KIF7: variants seen among roughly 807,000 people sequenced by gnomAD.
KIF7 encodes the protein kinesin family member 7, also known as kinesin-like protein KIF7.
KIF7 carries 104 observed loss-of-function variants against 135.7 expected under a neutral mutation model. The observed-to-expected ratio is 0.77, with a 90% CI of 0.65 to 0.90. KIF7 has a LOEUF of 0.90. Among genes scored for constraint, KIF7 ranks in the 40% least tolerant of loss-of-function variants. KIF7 has a pLI of 0.00. For missense variants in KIF7, 2,005 were observed against 1,839.1 expected, an observed-to-expected ratio of 1.09 and a Z score of -1.65; for synonymous variants, 883 against 809.4, an observed-to-expected ratio of 1.09 and a Z score of -1.54.
chr15:89,640,353 C>T (rs1963896246), intron 11 of KIF7, among the ~76,000 whole-genome samples: 1 of 152,090 alleles, frequency 6.6e-6, no homozygotes, highest in African/African-American at 2.4e-5. Flanking sequence ...AATACTACGA[C>T]ATTTACGCAC....
At chr15:89,649,711 C>G (rs1284357156) in intron 3 of KIF7, 30 bp downstream of exon 3, 1 of 1,548,356 alleles carries the variant, frequency 6.5e-7, no homozygotes, top group Admixed American at 2.0e-5. Context: ...AAGCCCCTCT[C>G]CGTCAGTGGA....
At chr15:89,641,467 T>C (rs1324511990) in intron 11 of KIF7, among the ~76,000 whole-genome samples, 1 of 152,162 alleles carries the variant, frequency 6.6e-6, no homozygotes, top group Non-Finnish European at 1.5e-5. Context: ...AAGGGGTGGA[T>C]GCACCTGTGG....
At chr15:89,632,797 G>C in intron 14 of KIF7, 23 bp downstream of exon 14, 4 of 1,596,432 alleles carry the variant, frequency 2.5e-6, no homozygotes, top group Non-Finnish European at 3.4e-6. Context: ...CACCTGGCAG[G>C]ATCTCTCCTG....
the KIF7 span, among the ~76,000 whole-genome samples, chr15:89,662,066 T>A: frequency 5.9e-5 from 9 of 152,296 alleles, no homozygotes; most frequent in African/African-American, 2.2e-4. Context: ...TGTATGCATT[T>A]TATAAATTTT....
chr15:89,623,958 G>A (rs1187170358), downstream of KIF7: 1 of 1,613,918 alleles, frequency 6.2e-7, no homozygotes, highest in Non-Finnish European at 8.5e-7. Context: ...CACATTCAGT[G>A]AATTCCAGTC....
downstream of KIF7, chr15:89,625,709 G>A (rs562686861): frequency 9.3e-6 from 15 of 1,613,034 alleles, no homozygotes; most frequent in Non-Finnish European, 1.3e-5. Context: ...TCAGAAGTTA[G>A]TAAGAGTAAA....
intron 2 of KIF7, chr15:89,618,015 T>C (rs926296638): frequency 1.2e-6 from 1 of 868,430 alleles, no homozygotes; most frequent in South Asian, 1.5e-5. Flanking sequence ...TAATCACGTA[T>C]GAGAGCCCTT....
intron 11 of KIF7, among the ~76,000 whole-genome samples, chr15:89,638,159 A>G (rs1027904530): frequency 6.8e-6 from 1 of 146,624 alleles, no homozygotes; most frequent in South Asian, 2.2e-4. Context: ...TCTCAAAATC[A>G]TAAGAGCTAT....
intron 1 of KIF7, among the ~76,000 whole-genome samples, chr15:89,654,321 T>G (rs1160723423): frequency 2.7e-5 from 1 of 36,984 alleles, no homozygotes; most frequent in African/African-American, 1.1e-4. Context: ...GGATTCAAAA[T>G]ATTAAGGGGA....
rs375316581 is a variant in KIF7, at chr15:89,649,472, A to G, written c.530-105T>C. ...GCCCCAAACCTGCCCTTCCTGACCC[A>G]CTGCTCCCTCCCCATGCCCACGGGG... On this transcript the variant is annotated intron_variant, in intron 3 of 18. Coordinates refer to ENST00000394412, the MANE Select transcript of KIF7 (RefSeq NM_198525.3). The G allele has an allele frequency of 4.6e-5, 60 of 1,301,030 alleles. No homozygotes were observed. In the African/African-American group the frequency reaches 6.6e-4, roughly 14 times the overall value. 80.6% of individuals were successfully genotyped at this position (1,301,030 alleles called of 1,614,324 possible). A position where few individuals can be genotyped will look rare whatever the true frequency, so the allele number is the denominator to read the frequency against.
At chr15:89,648,848 C>T (rs1964070538) in intron 4 of KIF7, 74 bp from the exon 5 acceptor site, 3 of 1,471,620 alleles carry the variant, frequency 2.0e-6, no homozygotes, top group East Asian at 2.5e-5. Flanking sequence ...GACCTGGGAC[C>T]GGCTCCTGGC....
intron 14 of KIF7, among the ~76,000 whole-genome samples, 153 bp downstream of exon 14, chr15:89,632,651 GCCTGGCAGGGACATCA>G (rs1963705041): frequency 6.6e-6 from 1 of 152,012 alleles, no homozygotes; most frequent in Non-Finnish European, 1.5e-5. Flanking sequence ...TCTAGACCTC[GCCTGGCAGGGACATCA>G]CCTGGCAGGT....
Position 89,629,092 on chromosome 15 carries a change from C to T in KIF7, c.3548G>A (p.Arg1183Lys), listed in dbSNP as rs1161738369. The change falls in exon 18 of 19, where the codon AGG becomes AAG. Residue 1183 changes from arginine (R) to lysine (K), a missense_variant. Transcript: ENST00000394412. ...DHLGEGLADS[R>K]RQYEARIQAL... is the part of the protein sequence containing the mutation. ...TTGAATCCGGGCCTCATACTGCCTC[C>T]TGCTGTCTGCTAACCCTTCACCGAG... 2.5e-6 allele frequency: 4 copies of T among 1,612,772 alleles called. No individual in the cohort carries two copies. Among genetic ancestry groups the T allele is most frequent in the East Asian group, 4.5e-5 (2 of 44,810 alleles).
intron 17 of KIF7, 75 bp from the exon 18 acceptor site, chr15:89,629,197 GCTGTGGGCTGGGT>G: frequency 4.0e-6 from 1 of 252,426 alleles, no homozygotes; most frequent in Non-Finnish European, 6.6e-6. Flanking sequence ...GGGGGTGGGG[GCTGTGGGCTGGGT>G]GGGGGCCGGG....
At chr15:89,651,244 CAT>C in intron 2 of KIF7, among the ~76,000 whole-genome samples, 3 of 152,208 alleles carry the variant, frequency 2.0e-5, no homozygotes, top group African/African-American at 7.2e-5. Flanking sequence ...GGACTACAGG[CAT>C]GCACCACCAC....
intron 10 of KIF7, among the ~76,000 whole-genome samples, chr15:89,644,327 GACTGAGAGAT>G (rs916385107): frequency 6.6e-6 from 1 of 152,152 alleles, no homozygotes; most frequent in African/African-American, 2.4e-5. Flanking sequence ...TGCTCCCCAG[GACTGAGAGAT>G]ACTTCGCCCA....
At chr15:89,657,417 T>A (rs1411996093), upstream of KIF7, among the ~76,000 whole-genome samples, 1 of 152,202 alleles carries the variant, frequency 6.6e-6, no homozygotes, top group African/African-American at 2.4e-5. Flanking sequence ...AATAAATTTT[T>A]AAAGAATTTC....
intron 1 of KIF7, among the ~76,000 whole-genome samples, chr15:89,619,232 T>TTTA (rs1963384609): frequency 4.1e-5 from 6 of 146,374 alleles, no homozygotes; most frequent in African/African-American, 1.5e-4. Flanking sequence ...TTTTTTTTTT[T>TTTA]TTTTTTTTGG....
At chr15:89,626,005 A>G (rs1963517426), downstream of KIF7, 2 of 1,612,480 alleles carry the variant, frequency 1.2e-6, no homozygotes, top group Non-Finnish European at 8.5e-7. Context: ...GCTCTGACCC[A>G]GTCTCCGCTG....
Sources: gnomAD v4.1 joint callset for allele counts (sites outside exome capture counted in the v4.1 genomes callset) on GRCh38, gnomAD v4.1.1 for gene constraint, MANE v1.5 for transcripts, NCBI Gene and HGNC (gene_info 2026-07-23, HGNC 2026-07-21) for gene names.